Variants in FGF14 observed in about 807,000 individuals in gnomAD.
FGF14 encodes the protein fibroblast growth factor 14.
FGF14 carries 5 observed loss-of-function variants against 25.5 expected under a neutral mutation model. That is an observed-to-expected ratio of 0.20 (90% confidence interval 0.10 to 0.41). The LOEUF is 0.41. FGF14 is among the 10% of genes least tolerant of loss of function. FGF14 has a pLI of 1.00. For synonymous variants in FGF14, 138 were observed against 118.3 expected (o/e 1.17, Z -1.08); for missense variants, 222 against 320.1 (o/e 0.69, Z 2.34).
At chr13:102,125,781 T>C (rs749905381) in intron 1 of FGF14, among the ~76,000 whole-genome samples, 2 of 152,190 alleles carry the variant, frequency 1.3e-5, no homozygotes, top group African/African-American at 4.8e-5. Context: ...TGTGTCATGG[T>C]GTAAAACACA....
At chr13:101,814,865 T>G (rs1400848301) in intron 3 of FGF14, among the ~76,000 whole-genome samples, 1 of 152,242 alleles carries the variant, frequency 6.6e-6, no homozygotes, top group African/African-American at 2.4e-5. Flanking sequence ...CATTTTCATA[T>G]AAGTCTTTCT....
intron 1 of FGF14, among the ~76,000 whole-genome samples, chr13:102,201,825 G>A (rs2049666751): frequency 2.6e-5 from 4 of 152,158 alleles, no homozygotes; most frequent in African/African-American, 7.2e-5. Flanking sequence ...TTCTGTTACT[G>A]GGGGACGGAC....
chr13:102,037,589 G>A (rs2139976933), intron 1 of FGF14, among the ~76,000 whole-genome samples: 1 of 152,240 alleles, frequency 6.6e-6, no homozygotes, highest in Middle Eastern at 3.4e-3. Context: ...AAGGGAATGG[G>A]GGAAAGATCA....
At chr13:102,234,693 G>A (rs1331192763) in intron 1 of FGF14, among the ~76,000 whole-genome samples, 1 of 152,000 alleles carries the variant, frequency 6.6e-6, no homozygotes, top group Non-Finnish European at 1.5e-5. Context: ...CTCAAGTTCT[G>A]TACATACTTC....
intron 1 of FGF14, among the ~76,000 whole-genome samples, chr13:102,343,480 G>A (rs1364383777): frequency 6.6e-6 from 1 of 152,188 alleles, no homozygotes; most frequent in African/African-American, 2.4e-5. Flanking sequence ...GCAGGACCTA[G>A]TCTGCCAAGC....
At chr13:102,031,012 T>G (rs2041181438) in intron 1 of FGF14, among the ~76,000 whole-genome samples, 1 of 152,090 alleles carries the variant, frequency 6.6e-6, no homozygotes, top group Non-Finnish European at 1.5e-5. Context: ...GGCAACAGCT[T>G]TATAACATAA....
intron 3 of FGF14, among the ~76,000 whole-genome samples, chr13:101,745,594 A>G (rs183539266): frequency 6.9e-4 from 105 of 152,178 alleles, no homozygotes; most frequent in African/African-American, 2.3e-3. Flanking sequence ...AATGTCATAT[A>G]GTTGAAATCA....
At chr13:101,773,366 A>C (rs1206048859) in intron 3 of FGF14, among the ~76,000 whole-genome samples, 1 of 152,096 alleles carries the variant, frequency 6.6e-6, no homozygotes, top group Non-Finnish European at 1.5e-5. Context: ...TCTGCGACTA[A>C]TGACAAATGT....
rs768409224 is a variant in FGF14 at position 101,715,701 on chromosome 13, G to T, written c.*7130C>A. The T allele has an allele frequency of 4.6e-6, 6 of 1,293,298 alleles. No homozygotes were observed. The South Asian group carries it at 5.9e-5, about 13-fold the overall frequency. 80.1% of individuals were successfully genotyped at this position (1,293,298 alleles called of 1,614,324 possible). A position where few individuals can be genotyped will look rare whatever the true frequency, so the allele number is the denominator to read the frequency against. On this transcript the variant is annotated 3_prime_UTR_variant, in exon 5 of 5. Transcript: ENST00000376143. ...GATTCTTATTTTTTCTGGGCCATTA[G>T]AACAGATAAATGCGAAGGAAACCAT...
intron 1 of FGF14, among the ~76,000 whole-genome samples, chr13:102,175,553 T>C (rs2048412964): frequency 6.6e-6 from 1 of 151,916 alleles, no homozygotes; most frequent in Non-Finnish European, 1.5e-5. Context: ...AAGCAAATGT[T>C]AACAAAAACA....
chr13:102,191,331 G>C (rs2049114132), intron 1 of FGF14, among the ~76,000 whole-genome samples: 1 of 152,192 alleles, frequency 6.6e-6, no homozygotes, highest in African/African-American at 2.4e-5. Flanking sequence ...ACCAGAGACT[G>C]ATCATTTGAA....
chr13:102,158,508 T>C (rs1420944857), intron 1 of FGF14, among the ~76,000 whole-genome samples: 5 of 72,100 alleles, frequency 6.9e-5, no homozygotes, highest in African/African-American at 1.1e-4. Context: ...CATCACACAC[T>C]GGGGCCTGTT....
chr13:101,991,721 G>A (rs765998275), intron 1 of FGF14, among the ~76,000 whole-genome samples: 4 of 152,034 alleles, frequency 2.6e-5, no homozygotes, highest in Non-Finnish European at 5.9e-5. Context: ...GTATCAGTAG[G>A]AACACTTAAG....
chr13:102,227,322 T>C (rs750850687), intron 1 of FGF14, among the ~76,000 whole-genome samples: 1 of 152,158 alleles, frequency 6.6e-6, no homozygotes, highest in Non-Finnish European at 1.5e-5. Flanking sequence ...TACTTCTTTT[T>C]TCCTCCATGC....
chr13:101,883,082 T>C (rs1392544061), intron 1 of FGF14, among the ~76,000 whole-genome samples: 1 of 152,196 alleles, frequency 6.6e-6, no homozygotes, highest in African/African-American at 2.4e-5. Flanking sequence ...CCAGATGTTA[T>C]GTACAGAAAG....
At chr13:102,381,372 G>A (rs1429279424) in intron 1 of FGF14, among the ~76,000 whole-genome samples, 1 of 152,168 alleles carries the variant, frequency 6.6e-6, no homozygotes, top group Non-Finnish European at 1.5e-5. Context: ...AAATGATTAG[G>A]TCATGAGGGC....
In FGF14 at chr13:101,818,152, T is replaced by A. The variant is rs1164957460; in HGVS notation, c.408+50573A>T. Among the ~76,000 whole-genome samples, 3 of 152,216 alleles carry A rather than the reference T, an allele frequency of 2.0e-5. No homozygotes were observed. The East Asian group carries it at 5.8e-4, about 29-fold the overall frequency. On this transcript the variant is annotated intron_variant, in intron 3 of 4. Transcript: ENST00000376143. ...GCAGACACGTGAAACCTTCAGAAGC[T>A]CAGTGAAGCTTGAATCCACTAAGAA...
exon 1 of FGF14, chr13:102,401,538 G>T (rs1343012485): frequency 6.2e-7 from 1 of 1,614,164 alleles, no homozygotes; most frequent in Admixed American, 1.7e-5. Flanking sequence ...TTCCTTTGCT[G>T]AAAATGTTCC....
chr13:102,267,918 T>A (rs1214292921), intron 1 of FGF14, among the ~76,000 whole-genome samples: 1 of 151,994 alleles, frequency 6.6e-6, no homozygotes, highest in Admixed American at 6.6e-5. Context: ...AAGAAGCTGG[T>A]TAGGTGAGCT....
Sources: gnomAD v4.1 joint callset for allele counts (sites outside exome capture counted in the v4.1 genomes callset) on GRCh38, gnomAD v4.1.1 for gene constraint, MANE v1.5 for transcripts, NCBI Gene and HGNC (gene_info 2026-07-23, HGNC 2026-07-21) for gene names.